NCAM2: variants seen among roughly 807,000 people sequenced by gnomAD.
NCAM2 encodes neural cell adhesion molecule 2.
A neutral mutation model predicts 98.1 loss-of-function variants in NCAM2; 30 were observed. That is an observed-to-expected ratio of 0.31 (90% confidence interval 0.23 to 0.41). NCAM2 has a LOEUF of 0.41. Among genes scored for constraint, NCAM2 ranks in the 10% least tolerant of loss-of-function variants. NCAM2 has a pLI of 1.00. For missense variants in NCAM2, 867 were observed against 1,005.8 expected, an observed-to-expected ratio of 0.86 and a Z score of 1.87; for synonymous variants, 368 against 342.4, an observed-to-expected ratio of 1.07 and a Z score of -0.83.
chr21:21,401,160 T>C (rs2076621518), intron 9 of NCAM2, among the ~76,000 whole-genome samples: 1 of 152,172 alleles, frequency 6.6e-6, no homozygotes. Flanking sequence ...TTTTATTTTG[T>C]TTTCATCCAC....
intron 1 of NCAM2, among the ~76,000 whole-genome samples, chr21:21,243,727 C>T (rs2071157491): frequency 6.6e-6 from 1 of 152,140 alleles, no homozygotes; most frequent in South Asian, 2.1e-4. Flanking sequence ...CCATGGCTTC[C>T]AAATCCATAT....
chr21:21,429,773 G>A (rs902023242), intron 11 of NCAM2, among the ~76,000 whole-genome samples: 1 of 152,050 alleles, frequency 6.6e-6, no homozygotes, highest in African/African-American at 2.4e-5. Flanking sequence ...AATTCTACAC[G>A]TGTGTTTGAA....
intron 1 of NCAM2, among the ~76,000 whole-genome samples, chr21:21,010,341 A>G (rs1449966792): frequency 1.3e-5 from 2 of 152,002 alleles, no homozygotes; most frequent in Admixed American, 6.6e-5. Flanking sequence ...GCTTTATAAA[A>G]ACCTTCACCA....
chr21:21,221,386 GA>G (rs34157365), intron 1 of NCAM2, among the ~76,000 whole-genome samples: 152,300 of 152,300 alleles, frequency 1, 76,150 homozygotes, highest in Non-Finnish European at 1. Context: ...GAAGTCATGT[GA>G]AAAAGACAAG....
intron 8 of NCAM2, among the ~76,000 whole-genome samples, chr21:21,358,364 G>C (rs1336561631): frequency 2.6e-5 from 4 of 151,994 alleles, no homozygotes; most frequent in Admixed American, 6.6e-5. Flanking sequence ...CTAACTTTCA[G>C]TGGGGATTAA....
intron 8 of NCAM2, among the ~76,000 whole-genome samples, chr21:21,345,188 A>G (rs1451471929): frequency 6.6e-6 from 1 of 152,130 alleles, no homozygotes; most frequent in Non-Finnish European, 1.5e-5. Flanking sequence ...GAAGAATGCA[A>G]TTAATACCTA....
At chr21:21,147,977 A>G (rs2146688441) in intron 1 of NCAM2, among the ~76,000 whole-genome samples, 1 of 152,152 alleles carries the variant, frequency 6.6e-6, no homozygotes, top group South Asian at 2.1e-4. Flanking sequence ...TGAAGACCTG[A>G]GAACCGGGGG....
intron 1 of NCAM2, among the ~76,000 whole-genome samples, chr21:21,125,714 T>TATATAGAGAGAG (rs1555887746): frequency 1.1e-3 from 149 of 134,394 alleles, no homozygotes; most frequent in South Asian, 9.3e-3. Context: ...TATATATATA[T>TATATAGAGAGAG]AGAGAGAGAG....
At chr21:21,128,447 T>C (rs1041777781) in intron 1 of NCAM2, among the ~76,000 whole-genome samples, 1 of 152,186 alleles carries the variant, frequency 6.6e-6, no homozygotes, top group Non-Finnish European at 1.5e-5. Context: ...TGTAGTGAAC[T>C]CTGCATTTTG....
chr21:21,247,912 T>A (rs1016300978), intron 1 of NCAM2, among the ~76,000 whole-genome samples: 6 of 152,196 alleles, frequency 3.9e-5, no homozygotes, highest in Non-Finnish European at 7.3e-5. Context: ...CTCCTTTCCC[T>A]TCTTCCTTCT....
At chr21:21,363,055 A>G (rs1300331150) in intron 8 of NCAM2, among the ~76,000 whole-genome samples, 1 of 152,208 alleles carries the variant, frequency 6.6e-6, no homozygotes, top group African/African-American at 2.4e-5. Flanking sequence ...TTAAATTTTT[A>G]GTAGCATATT....
intron 16 of NCAM2, among the ~76,000 whole-genome samples, chr21:21,511,895 T>C (rs1988406664): frequency 6.6e-6 from 1 of 152,070 alleles, no homozygotes; most frequent in South Asian, 2.1e-4. Flanking sequence ...ATGTTGTCTT[T>C]TGAGAGAAAT....
intron 1 of NCAM2, among the ~76,000 whole-genome samples, chr21:21,020,359 A>T (rs1195883600): frequency 6.6e-6 from 1 of 152,076 alleles, no homozygotes; most frequent in Non-Finnish European, 1.5e-5. Flanking sequence ...TTTCCCTCTC[A>T]GGGCTGTCCT....
chr21:21,172,814 C>A (rs531704015), intron 1 of NCAM2, among the ~76,000 whole-genome samples: 1 of 152,150 alleles, frequency 6.6e-6, no homozygotes, highest in East Asian at 1.9e-4. Flanking sequence ...TTAAAATTTA[C>A]GGACATCTGT....
At chr21:21,015,571 A>T (rs2064290563) in intron 1 of NCAM2, among the ~76,000 whole-genome samples, 1 of 152,234 alleles carries the variant, frequency 6.6e-6, no homozygotes, top group Admixed American at 6.5e-5. Context: ...GTATAAATAC[A>T]ACTTTTACAT....
At chr21:21,004,645 ATAAT>A (rs1203345031) in intron 1 of NCAM2, among the ~76,000 whole-genome samples, 4 of 152,220 alleles carry the variant, frequency 2.6e-5, no homozygotes, top group African/African-American at 4.8e-5. Context: ...AATATGTCAT[ATAAT>A]TAATTAAACA....
chr21:21,128,879 A>C lies in NCAM2; in HGVS notation c.55+130261A>C, dbSNP rs183729421. On this transcript the variant is annotated intron_variant, in intron 1 of 17. Coordinates refer to ENST00000400546, the MANE Select transcript of NCAM2 (RefSeq NM_004540.5). ...AGAATTGTAGCAGAAACATTAGAAG[A>C]CATCAGAAAATAATCTTAGAGGGAT... 2.2e-3 allele frequency among the ~76,000 whole-genome samples: 340 copies of C among 152,306 alleles called. 1 individual carries two copies. The highest frequency in any genetic ancestry group is 7.9e-3 in the African/African-American group (327 of 41,578).
At chr21:21,416,243 A>C (rs548172412) in intron 10 of NCAM2, among the ~76,000 whole-genome samples, 103 of 152,322 alleles carry the variant, frequency 6.8e-4, no homozygotes, top group Non-Finnish European at 1.2e-3. Context: ...TCAGTGGAGC[A>C]ATCAGAACAC....
At chr21:21,217,828 C>G (rs1419005812) in intron 1 of NCAM2, among the ~76,000 whole-genome samples, 2 of 152,060 alleles carry the variant, frequency 1.3e-5, no homozygotes, top group African/African-American at 4.8e-5. Flanking sequence ...GAGAAAGACA[C>G]CACCACATCT....
Sources: gnomAD v4.1 joint callset for allele counts (sites outside exome capture counted in the v4.1 genomes callset) on GRCh38, gnomAD v4.1.1 for gene constraint, MANE v1.5 for transcripts, NCBI Gene and HGNC (gene_info 2026-07-23, HGNC 2026-07-21) for gene names.